The following APBB1IP variants were observed in gnomAD, a reference collection of about 807,000 sequenced individuals.
The protein encoded by APBB1IP is amyloid beta A4 precursor protein-binding family B member 1-interacting protein.
APBB1IP carries 27 observed loss-of-function variants against 64.9 expected under a neutral mutation model. That is an observed-to-expected ratio of 0.42 (90% CI 0.31 to 0.57). The LOEUF (loss-of-function observed/expected upper bound fraction) is 0.57. Ranked by LOEUF, APBB1IP falls within the 20% of genes least tolerant of loss-of-function variation. APBB1IP has a pLI of 0.20. For synonymous variants in APBB1IP, 392 were observed against 331.0 expected, an observed-to-expected ratio of 1.18 and a Z score of -2.00; for missense variants, 812 against 845.5, an observed-to-expected ratio of 0.96 and a Z score of 0.49.
chr10:26,445,088 T>C (rs1319526915), intron 2 of APBB1IP, among the ~76,000 whole-genome samples: 16 of 124,640 alleles, frequency 1.3e-4, no homozygotes, highest in African/African-American at 4.8e-4. Flanking sequence ...CAGAGTGAGA[T>C]TCTGTCAAAA....
chr10:26,460,679 C>T (rs895942590), intron 2 of APBB1IP, among the ~76,000 whole-genome samples: 1 of 152,130 alleles, frequency 6.6e-6, no homozygotes, highest in African/African-American at 2.4e-5. Context: ...AAGCCATTAT[C>T]CTCAGCAAAC....
intron 2 of APBB1IP, 95 bp from the exon 3 acceptor site, chr10:26,492,232 G>A: frequency 8.8e-7 from 1 of 1,142,726 alleles, no homozygotes; most frequent in Non-Finnish European, 1.3e-6. Flanking sequence ...AGCTGCCCAT[G>A]GATGGGGCTC....
chr10:26,484,064 A>G (rs182332260), intron 2 of APBB1IP, among the ~76,000 whole-genome samples: 1 of 152,342 alleles, frequency 6.6e-6, no homozygotes, highest in African/African-American at 2.4e-5. Context: ...AAATTAGCTT[A>G]GACAACCCGT....
chr10:26,501,222 T>A, intron 5 of APBB1IP, 111 bp downstream of exon 5: 1 of 1,493,764 alleles, frequency 6.7e-7, no homozygotes, highest in East Asian at 2.3e-5. Flanking sequence ...AGATCTGAGA[T>A]ACTAAAAAAC....
At chr10:26,542,132 G>A (rs1206535330) in intron 11 of APBB1IP, among the ~76,000 whole-genome samples, 1 of 152,060 alleles carries the variant, frequency 6.6e-6, no homozygotes, top group Non-Finnish European at 1.5e-5. Context: ...TTGTCAAAAG[G>A]CAATAGGTAT....
chr10:26,554,406 C>A (rs543748616), intron 11 of APBB1IP, among the ~76,000 whole-genome samples: 2 of 152,230 alleles, frequency 1.3e-5, no homozygotes, highest in Non-Finnish European at 2.9e-5. Context: ...CTTCTAGCTT[C>A]CGGCAGCTCC....
rs562392251 is a variant in APBB1IP, at chr10:26,555,540, A to G, written c.1156-4565A>G. 2.0e-5 allele frequency among the ~76,000 whole-genome samples: 3 copies of G among 152,268 alleles called. No individual in the cohort carries two copies. The South Asian group carries it at 6.2e-4, about 32-fold the overall frequency. On this transcript the variant is annotated intron_variant, in intron 11 of 14. Coordinates refer to ENST00000376236, the MANE Select transcript of APBB1IP (RefSeq NM_019043.4). ...CAGGTGTTTACATACATCTCTCCCT[A>G]AAACACCTCCAGGGAGCATTGCCCA... is the stretch of plus-strand genomic sequence containing the variant.
At chr10:26,553,508 G>C (rs1836858172) in intron 11 of APBB1IP, among the ~76,000 whole-genome samples, 1 of 152,026 alleles carries the variant, frequency 6.6e-6, no homozygotes, top group South Asian at 2.1e-4. Context: ...AAAAACATTA[G>C]CTGGGCATGG....
chr10:26,493,166 C>T (rs1335183420), intron 3 of APBB1IP, among the ~76,000 whole-genome samples: 1 of 152,202 alleles, frequency 6.6e-6, no homozygotes, highest in East Asian at 1.9e-4. Flanking sequence ...CCCAGGCAGT[C>T]AGACCTAATG....
Position 26,510,778 on chromosome 10 carries a change from AT to A in APBB1IP, c.532-968del, listed in dbSNP as rs879293979. 4.2e-3 allele frequency among the ~76,000 whole-genome samples: 632 copies of A among 150,970 alleles called. 5 individuals are homozygous for A. The highest frequency in any genetic ancestry group is 0.014 in the Middle Eastern group (4 of 292). ...CACACACACACACACACACACACAA[AT>A]GAAAATTAGATTTATCATGTGCCTG... On this transcript the variant is annotated intron_variant, in intron 6 of 14. Coordinates refer to ENST00000376236, the MANE Select transcript of APBB1IP (RefSeq NM_019043.4).
intron 13 of APBB1IP, among the ~76,000 whole-genome samples, chr10:26,561,064 C>CTTTCTTTTTTTTTTTTTTTTTTT (rs1218039459): frequency 2.9e-5 from 2 of 69,208 alleles, no homozygotes; most frequent in East Asian, 4.7e-4. Context: ...TTCTTTCTTT[C>CTTTCTTTTTTTTTTTTTTTTTTT]TTTTTTTTTT....
chr10:26,504,724 A>T (rs548831970), intron 6 of APBB1IP, among the ~76,000 whole-genome samples: 26 of 147,592 alleles, frequency 1.8e-4, no homozygotes, highest in Admixed American at 1.3e-3. Context: ...AAAAAAATTA[A>T]AAAAAAAAAG....
chr10:26,503,170 A>G (rs752362366), intron 5 of APBB1IP, 27 bp from the exon 6 acceptor site: 1 of 1,611,086 alleles, frequency 6.2e-7, no homozygotes, highest in East Asian at 2.2e-5. Context: ...AATGGACTGT[A>G]TTGAAGAATA....
rs914899260 is a variant in APBB1IP, at chr10:26,501,085, C to T, written c.427C>T (p.Pro143Ser). ...ADPVLDLPLP[P>S]PPPEPLSQEE... ...TCCTGTGTTAGACCTTCCACTGCCA[C>T]CACCACCTCCTGAACCTCTCTCTCA... The change falls in exon 5 of 15, where the codon CCA (proline) becomes TCA (serine). Residue 143 changes from proline (P) to serine (S), a missense_variant. By Grantham distance (74) the Pro-to-Ser change is moderately conservative. Coordinates refer to ENST00000376236, the MANE Select transcript of APBB1IP (RefSeq NM_019043.4). 2.5e-6 allele frequency: 4 copies of T among 1,614,228 alleles called. No individual in the cohort carries two copies. The Admixed American group carries it at 5.0e-5, about 20-fold the overall frequency.
chr10:26,441,050 T>C (rs552846691), intron 2 of APBB1IP, among the ~76,000 whole-genome samples: 1 of 152,194 alleles, frequency 6.6e-6, no homozygotes, highest in Non-Finnish European at 1.5e-5. Context: ...CATGAGTTTA[T>C]ATTATGGAGA....
chr10:26,502,738 C>T (rs74463104), intron 5 of APBB1IP, among the ~76,000 whole-genome samples: 1,750 of 152,220 alleles, frequency 0.011, 18 homozygotes, highest in Non-Finnish European at 0.014. Flanking sequence ...AAAAGACATC[C>T]TGATCCAAAA....
intron 2 of APBB1IP, among the ~76,000 whole-genome samples, chr10:26,476,258 C>T (rs1399609628): frequency 6.6e-6 from 1 of 151,304 alleles, no homozygotes; most frequent in Admixed American, 6.6e-5. Flanking sequence ...AGCATTTCAC[C>T]ATGTTGGCCA....
At position 26,496,319 on chromosome 10, in the gene APBB1IP, A is replaced by T. The variant is rs750734525; in HGVS notation, c.88A>T (p.Thr30Ser). 1 of 1,612,232 alleles carries T rather than the reference A, an allele frequency of 6.2e-7. No individual in the cohort carries two copies. Among genetic ancestry groups the T allele is most frequent in the Non-Finnish European group, 8.5e-7 (1 of 1,178,850 alleles). ...DLLTQSLGVDTLPPPDPNPPR... is the reference protein window; with the variant it reads ...DLLTQSLGVDSLPPPDPNPPR... Reference sequence around the variant, plus strand: ...TTTTTCACAGAGTTTAGGAGTTGACACTCTCCCTCCTCCTGACCCTAATCC... The same window carrying T: ...TTTTTCACAGAGTTTAGGAGTTGACTCTCTCCCTCCTCCTGACCCTAATCC... Residue 30 changes from threonine (T) to serine (S), a missense_variant, in exon 4 of 15, where the codon ACT (threonine) becomes TCT (serine). Thr to Ser is a moderately conservative substitution (Grantham distance 58). Coordinates refer to ENST00000376236, the MANE Select transcript of APBB1IP (RefSeq NM_019043.4).
At chr10:26,551,738 C>A (rs905329436) in intron 11 of APBB1IP, among the ~76,000 whole-genome samples, 3 of 152,102 alleles carry the variant, frequency 2.0e-5, no homozygotes, top group African/African-American at 7.2e-5. Context: ...AATTATATTA[C>A]TTTAGTGTTT....
Sources: gnomAD v4.1 joint callset for allele counts (sites outside exome capture counted in the v4.1 genomes callset) on GRCh38, gnomAD v4.1.1 for gene constraint, MANE v1.5 for transcripts, NCBI Gene and HGNC (gene_info 2026-07-23, HGNC 2026-07-21) for gene names.